TADA2A: variants seen among roughly 807,000 people sequenced by gnomAD.
TADA2A encodes the protein transcriptional adaptor 2A.
TADA2A carries 38 observed loss-of-function variants against 67.4 expected under a neutral mutation model. The observed-to-expected ratio is 0.56, with a 90% CI of 0.44 to 0.74. The LOEUF (loss-of-function observed/expected upper bound fraction) is 0.74. Among genes scored for constraint, TADA2A ranks in the 30% least tolerant of loss-of-function variants. The pLI is 0.00. For missense variants in TADA2A, 454 were observed against 547.0 expected (o/e 0.83, Z 1.70); for synonymous variants, 192 against 181.6 (o/e 1.06, Z -0.46).
At chr17:37,463,039 G>A (rs542169481) in intron 10 of TADA2A, among the ~76,000 whole-genome samples, 129 of 152,050 alleles carry the variant, frequency 8.5e-4, no homozygotes, top group Middle Eastern at 6.8e-3. Flanking sequence ...GTGGTGTGAT[G>A]GTATCTTGCT....
intron 15 of TADA2A, among the ~76,000 whole-genome samples, chr17:37,476,412 G>T (rs12942606): frequency 0.23 from 34,722 of 152,100 alleles, 4,148 homozygotes; most frequent in Middle Eastern, 0.35. Context: ...TGTGCATTCT[G>T]CCCCCACTGT....
At chr17:37,411,199 G>T in intron 1 of TADA2A, 70 bp from the exon 2 acceptor site, 1 of 664,976 alleles carries the variant, frequency 1.5e-6, no homozygotes, top group Non-Finnish European at 2.7e-6. Context: ...TGAGTATGTT[G>T]CATATCTTCT....
At chr17:37,434,989 A>G (rs139465291) in intron 4 of TADA2A, among the ~76,000 whole-genome samples, 23 of 152,276 alleles carry the variant, frequency 1.5e-4, no homozygotes, top group African/African-American at 4.8e-4. Context: ...GCTCATGCCT[A>G]TAATCCCAGC....
Position 37,411,421 on chromosome 17 carries a change from CTTA to C in TADA2A, c.25+40_25+42del, listed in dbSNP as rs535346329. ...TACAGTGGGAACAAGTCTCAGGTGA[CTTA>C]TTATTATTTTTTTTTTGAGATGGAC... On this transcript the variant is annotated intron_variant, in intron 2 of 15. Coordinates refer to ENST00000615182, the MANE Select transcript of TADA2A (RefSeq NM_001166105.3). The C allele has an allele frequency of 1.5e-3, 2,342 of 1,602,262 alleles. 5 individuals are homozygous for C. The highest frequency in any genetic ancestry group is 5.3e-3 in the African/African-American group (398 of 74,528).
intron 8 of TADA2A, chr17:37,450,720 C>G (rs906547460): frequency 1.3e-5 from 2 of 152,258 alleles, no homozygotes; most frequent in Non-Finnish European, 2.9e-5. Context: ...CAGCTTCCAG[C>G]TGCTTTAAGT....
Position 37,467,505 on chromosome 17 carries a change from C to G in TADA2A, c.875C>G (p.Ala292Gly). The G allele has an allele frequency of 6.2e-7, 1 of 1,613,794 alleles. No homozygotes were observed. The highest frequency in any genetic ancestry group is 1.1e-5 in the South Asian group (1 of 91,028). Reference sequence around the variant, plus strand: ...AAGAGGCTCCAAGAATACAGGACAGCAGGCATTACCAATTTTTGTAGTAAG... The same window carrying G: ...AAGAGGCTCCAAGAATACAGGACAGGAGGCATTACCAATTTTTGTAGTAAG... Reference protein sequence around the residue: ...EIKRLQEYRTAGITNFCSART... With the variant: ...EIKRLQEYRTGGITNFCSART... Residue 292 changes from alanine to glycine, a missense_variant, in exon 12 of 16, where the codon GCA (alanine) becomes GGA (glycine). Coordinates refer to ENST00000615182, the MANE Select transcript of TADA2A (RefSeq NM_001166105.3).
At chr17:37,418,204 A>G (rs1232891990) in intron 2 of TADA2A, among the ~76,000 whole-genome samples, 1 of 152,248 alleles carries the variant, frequency 6.6e-6, no homozygotes, top group Non-Finnish European at 1.5e-5. Flanking sequence ...TGCTTTATAT[A>G]TAACATGGAA....
In TADA2A at chr17:37,411,536, C is replaced by T. The variant is rs552114178; in HGVS notation, c.25+146C>T. 13 of 737,996 alleles carry T rather than the reference C, an allele frequency of 1.8e-5. 1 individual carries two copies. The East Asian group carries it at 3.3e-4, about 19-fold the overall frequency. The allele number at this position is 737,996 out of a possible 1,614,324, so 45.7% of individuals were successfully genotyped here. On this transcript the variant is annotated intron_variant, in intron 2 of 15. Coordinates refer to ENST00000615182, the MANE Select transcript of TADA2A (RefSeq NM_001166105.3). ...CTCCCGGCTTTAAACGGTTCTCCTG[C>T]CTCAGCCGCCTGAGTAGCTAGGACT...
At chr17:37,447,018 G>T (rs148978749) in intron 8 of TADA2A, among the ~76,000 whole-genome samples, 1 of 152,138 alleles carries the variant, frequency 6.6e-6, no homozygotes, top group Non-Finnish European at 1.5e-5. Context: ...AGTTTCTATA[G>T]CCCTGTAAAT....
rs1183175028 is a variant in TADA2A, at chr17:37,470,888, T to C, written c.1029-206T>C. 3.3e-5 allele frequency among the ~76,000 whole-genome samples: 5 copies of C among 152,154 alleles called. No individual in the cohort carries two copies. The East Asian group carries it at 7.7e-4, about 23-fold the overall frequency. On this transcript the variant is annotated intron_variant, in intron 13 of 15. Coordinates refer to ENST00000615182, the MANE Select transcript of TADA2A (RefSeq NM_001166105.3). ...TGGTGTTCTAGATTACAAGCTCTTC[T>C]TAACAAATCTGAGGAATTTTTCTTC...
At chr17:37,420,517 T>C (rs1259616486) in intron 2 of TADA2A, among the ~76,000 whole-genome samples, 2 of 144,434 alleles carry the variant, frequency 1.4e-5, no homozygotes, top group African/African-American at 5.0e-5. Flanking sequence ...CTCAGCCTCC[T>C]GAGTAGCTGA....
intron 4 of TADA2A, among the ~76,000 whole-genome samples, chr17:37,437,163 GCAAGCTCCGC>G (rs2052753537): frequency 1.8e-5 from 2 of 109,760 alleles, no homozygotes; most frequent in Non-Finnish European, 3.6e-5. Flanking sequence ...TCAGCTCACT[GCAAGCTCCGC>G]CTCCGCCTCC....
intron 1 of TADA2A, among the ~76,000 whole-genome samples, chr17:37,409,748 C>T (rs928021251): frequency 2.1e-5 from 3 of 145,066 alleles, no homozygotes; most frequent in Non-Finnish European, 3.0e-5. Flanking sequence ...GCCTAGGCAA[C>T]GAGAGCGAGA....
intron 4 of TADA2A, among the ~76,000 whole-genome samples, chr17:37,430,513 C>A (rs965139797): frequency 6.6e-6 from 1 of 152,124 alleles, no homozygotes; most frequent in Non-Finnish European, 1.5e-5. Flanking sequence ...GAATTCTATG[C>A]CTATTTTTGT....
chr17:37,437,326 C>CAG, intron 4 of TADA2A, among the ~76,000 whole-genome samples: 1 of 151,642 alleles, frequency 6.6e-6, no homozygotes, highest in East Asian at 1.9e-4. Context: ...CTCCTGACCT[C>CAG]GTGATCCGCC....
intron 3 of TADA2A, among the ~76,000 whole-genome samples, chr17:37,425,917 A>G (rs1298282835): frequency 6.7e-6 from 1 of 150,102 alleles, no homozygotes; most frequent in Non-Finnish European, 1.5e-5. Flanking sequence ...TCAGCCTCCC[A>G]GAATGCTAGG....
intron 4 of TADA2A, among the ~76,000 whole-genome samples, chr17:37,431,859 C>T (rs1313258995): frequency 3.3e-5 from 5 of 152,160 alleles, no homozygotes; most frequent in Non-Finnish European, 7.3e-5. Context: ...AGCTACTGCA[C>T]CCAGCCTAAA....
intron 8 of TADA2A, among the ~76,000 whole-genome samples, chr17:37,456,661 G>A (rs1377825436): frequency 6.6e-6 from 1 of 152,198 alleles, no homozygotes; most frequent in Non-Finnish European, 1.5e-5. Context: ...TAGAATATAA[G>A]TTTGCAACTG....
chr17:37,466,342 C>T (rs945967030), intron 11 of TADA2A, among the ~76,000 whole-genome samples: 1 of 152,136 alleles, frequency 6.6e-6, no homozygotes, highest in African/African-American at 2.4e-5. Context: ...ATTGCTTGAA[C>T]CCGGGTAGCC....
Sources: gnomAD v4.1 joint callset for allele counts (sites outside exome capture counted in the v4.1 genomes callset) on GRCh38, gnomAD v4.1.1 for gene constraint, MANE v1.5 for transcripts, NCBI Gene and HGNC (gene_info 2026-07-23, HGNC 2026-07-21) for gene names.